VSTM4: variants seen among roughly 807,000 people sequenced by gnomAD.
VSTM4 encodes V-set and transmembrane domain containing 4.
In VSTM4, 20 loss-of-function variants were observed where a neutral mutation model predicts 36.4. The ratio of observed to expected loss-of-function variants is 0.55; its 90% confidence interval spans 0.39 to 0.80. VSTM4 has a LOEUF of 0.80. VSTM4 is among the 30% of genes least tolerant of loss of function. VSTM4 has a pLI of 0.00. For missense variants in VSTM4, 392 were observed against 404.5 expected (o/e 0.97, Z 0.26); for synonymous variants, 182 against 173.9 (o/e 1.05, Z -0.37).
At chr10:49,101,536 A>G (rs1017712318) in intron 2 of VSTM4, among the ~76,000 whole-genome samples, 3 of 152,242 alleles carry the variant, frequency 2.0e-5, no homozygotes, top group Non-Finnish European at 2.9e-5. Context: ...TGAATATAAT[A>G]ATCGAAATTA....
At position 49,107,839 on chromosome 10, in the gene VSTM4, T is replaced by A; in HGVS notation, c.212A>T (p.Gln71Leu). ...GGTCATCTTCACCATCAAGGCCTCC[T>A]GGGAGTCGAAGGAGTGTGCAAAGAA... ...RWFFAHSFDS[Q>L]EALMVKMTKL... Residue 71 changes from glutamine to leucine, a missense_variant, in exon 2 of 8, where the codon CAG becomes CTG. Gln to Leu is a moderately radical substitution (Grantham distance 113, BLOSUM62 -2). Transcript: ENST00000332853. The A allele has an allele frequency of 6.2e-7, 1 of 1,614,212 alleles. No individual in the cohort carries two copies. The highest frequency in any genetic ancestry group is 8.5e-7 in the Non-Finnish European group (1 of 1,180,018).
intron 3 of VSTM4, among the ~76,000 whole-genome samples, chr10:49,078,114 T>A (rs1844212534): frequency 6.6e-6 from 1 of 152,146 alleles, no homozygotes; most frequent in South Asian, 2.1e-4. Flanking sequence ...CAGTAAAATA[T>A]CCCTCATGCC....
At chr10:49,102,777 A>T (rs1238792831) in intron 2 of VSTM4, 4 of 984,732 alleles carry the variant, frequency 4.1e-6, no homozygotes, top group Non-Finnish European at 4.8e-6. Context: ...TTATTCATTC[A>T]TCAAGTATCT....
intron 4 of VSTM4, among the ~76,000 whole-genome samples, chr10:49,076,612 T>C (rs1327121766): frequency 6.6e-6 from 1 of 152,066 alleles, no homozygotes; most frequent in Non-Finnish European, 1.5e-5. Context: ...GCAGAGACTC[T>C]CGAGAAATCA....
intron 7 of VSTM4, among the ~76,000 whole-genome samples, chr10:49,042,160 T>A (rs1036903468): frequency 2.0e-5 from 3 of 152,164 alleles, no homozygotes; most frequent in Admixed American, 6.5e-5. Flanking sequence ...ATGTAACAGG[T>A]GAGAAATGGG....
At chr10:49,025,517 C>T (rs1011401748) in intron 7 of VSTM4, among the ~76,000 whole-genome samples, 1 of 152,206 alleles carries the variant, frequency 6.6e-6, no homozygotes, top group African/African-American at 2.4e-5. Flanking sequence ...TCCCCAGCTG[C>T]CTGGCCCGCC....
At chr10:49,057,010 C>A (rs1419664923) in intron 5 of VSTM4, among the ~76,000 whole-genome samples, 2 of 151,448 alleles carry the variant, frequency 1.3e-5, no homozygotes, top group African/African-American at 4.9e-5. Context: ...GAGAGGGGGG[C>A]AAGAGAAAGA....
chr10:49,080,058 A>G (rs903447666), intron 3 of VSTM4, among the ~76,000 whole-genome samples: 4 of 152,190 alleles, frequency 2.6e-5, no homozygotes, highest in Admixed American at 2.0e-4. Context: ...TTGGCTACTC[A>G]AAGTGTTTCT....
intron 2 of VSTM4, among the ~76,000 whole-genome samples, chr10:49,094,167 T>G (rs1844529598): frequency 6.6e-6 from 1 of 151,996 alleles, no homozygotes; most frequent in African/African-American, 2.4e-5. Flanking sequence ...GGTCAGGGGG[T>G]CCCACCCTGC....
rs80168214 is a variant in VSTM4, at chr10:49,039,484, C to T, written c.837+7499G>A. Among the ~76,000 whole-genome samples, 741 of 152,232 alleles carry T rather than the reference C, an allele frequency of 4.9e-3. 33 individuals carry two copies. The South Asian group carries it at 0.056, about 12-fold the overall frequency. On this transcript the variant is annotated intron_variant, in intron 7 of 7. Transcript: ENST00000332853. ...AGGATGCAAGCGCTTCCCTGGGAAA[C>T]GTGCAGTGATTAAGCCTGTGGTGCT...
chr10:49,058,236 A>G (rs982261721), intron 5 of VSTM4, among the ~76,000 whole-genome samples: 14 of 152,168 alleles, frequency 9.2e-5, no homozygotes, highest in Non-Finnish European at 1.6e-4. Flanking sequence ...GATGAAGCAA[A>G]AGGCCAGGAG....
intron 4 of VSTM4, among the ~76,000 whole-genome samples, chr10:49,069,679 C>A (rs559232364): frequency 1.3e-5 from 2 of 152,306 alleles, no homozygotes; most frequent in African/African-American, 4.8e-5. Context: ...ACCTTCCAGG[C>A]CTACAGTTAT....
intron 7 of VSTM4, among the ~76,000 whole-genome samples, chr10:49,032,250 G>A (rs1843357883): frequency 6.6e-6 from 1 of 152,228 alleles, no homozygotes; most frequent in Admixed American, 6.5e-5. Flanking sequence ...CAGAGATGAA[G>A]GTGGAGAAGT....
At chr10:49,025,208 T>C (rs1843239811) in intron 7 of VSTM4, among the ~76,000 whole-genome samples, 1 of 152,136 alleles carries the variant, frequency 6.6e-6, no homozygotes, top group South Asian at 2.1e-4. Flanking sequence ...CCTGACTATG[T>C]GACTGTGGTG....
At chr10:49,038,432 T>A (rs1843466213) in intron 7 of VSTM4, among the ~76,000 whole-genome samples, 1 of 152,096 alleles carries the variant, frequency 6.6e-6, no homozygotes, top group Non-Finnish European at 1.5e-5. Flanking sequence ...GAAAGTAGAA[T>A]GGTGGAAGCT....
At chr10:49,077,139 G>T in intron 4 of VSTM4, 80 bp downstream of exon 4, 1 of 1,396,848 alleles carries the variant, frequency 7.2e-7, no homozygotes, top group South Asian at 1.2e-5. Context: ...CCACCAAGGT[G>T]GTACTTTGTC....
rs956136770 is a variant in VSTM4 at position 49,095,073 on chromosome 10, CA to C, written c.458-9051del. Among the ~76,000 whole-genome samples the C allele has an allele frequency of 1.8e-4, 28 of 151,728 alleles. No homozygotes were observed. In the East Asian group the frequency reaches 5.4e-3, roughly 29 times the overall value. ...CCAGCAAACCAAGCAAAAGGGCAAA[CA>C]AAAAAAATGAAATAGACTTCCCATG... On this transcript the variant is annotated intron_variant, in intron 2 of 7. Coordinates refer to ENST00000332853, the MANE Select transcript of VSTM4 (RefSeq NM_001031746.5).
intron 5 of VSTM4, among the ~76,000 whole-genome samples, chr10:49,051,390 C>CTTTTTTTTTTTTTTT (rs796786621): frequency 3.8e-5 from 5 of 130,800 alleles, no homozygotes; most frequent in Admixed American, 7.9e-5. Context: ...CAGCTCATTT[C>CTTTTTTTTTTTTTTT]TTTTTTTTTT....
At chr10:49,063,421 T>C (rs1418758905) in intron 5 of VSTM4, among the ~76,000 whole-genome samples, 2 of 152,134 alleles carry the variant, frequency 1.3e-5, no homozygotes, top group Non-Finnish European at 2.9e-5. Context: ...CTATTATCTC[T>C]TCTCATTCAA....
Sources: gnomAD v4.1 joint callset for allele counts (sites outside exome capture counted in the v4.1 genomes callset) on GRCh38, gnomAD v4.1.1 for gene constraint, MANE v1.5 for transcripts, NCBI Gene and HGNC (gene_info 2026-07-23, HGNC 2026-07-21) for gene names.